ANO1: variants seen among roughly 807,000 people sequenced by gnomAD.
The protein encoded by ANO1 is anoctamin 1.
A neutral mutation model predicts 124.0 loss-of-function variants in ANO1; 59 were observed. The ratio of observed to expected loss-of-function variants is 0.48; its 90% confidence interval spans 0.39 to 0.59. ANO1 has a LOEUF of 0.59. ANO1 is among the 20% of genes least tolerant of loss of function. ANO1 has a pLI of 0.00. For missense variants in ANO1, 1,059 were observed against 1,328.0 expected, an observed-to-expected ratio of 0.80 and a Z score of 3.15; for synonymous variants, 529 against 532.0, an observed-to-expected ratio of 0.99 and a Z score of 0.08.
chr11:70,187,637 TG>T, intron 25 of ANO1, 100 bp from the exon 26 acceptor site: 2 of 1,418,134 alleles, frequency 1.4e-6, no homozygotes, highest in Non-Finnish European at 1.9e-6. Context: ...GGCCAGGAGG[TG>T]GTGGGGTGGC....
chr11:70,088,045 C>T lies in ANO1; in HGVS notation c.402C>T (p.Asn134=). 6.9e-7 allele frequency: 1 copy of T among 1,454,404 alleles called. No individual in the cohort carries two copies. The highest frequency in any genetic ancestry group is 9.1e-7 in the Non-Finnish European group (1 of 1,101,126). The allele number at this position is 1,454,404 out of a possible 1,614,324, so 90.1% of individuals were successfully genotyped here. The change falls in exon 2 of 26, where the codon AAC becomes AAT. Residue 134 remains asparagine (N), a synonymous_variant. Transcript: ENST00000355303. The part of the protein sequence containing the change: ...KRFRREEYEG[N]LLEAGLELER... ...TCCGCAGGGAGGAGTACGAGGGCAA[C>T]CTCCTGGAGGCGGGCCTGGAGCTGG...
At position 70,088,056 on chromosome 11, in the gene ANO1, C is replaced by A. The variant is rs754539827; in HGVS notation, c.413C>A (p.Ala138Glu). Residue 138 changes from alanine to glutamate, a missense_variant, in exon 2 of 26, where the codon GCG becomes GAG. Ala to Glu is a moderately radical substitution (Grantham distance 107, BLOSUM62 -1). Around this residue, in one of 2 missense-constraint regions of ANO1, gnomAD observed 250 missense variants for 233.1 expected, o/e 1.07. Coordinates refer to ENST00000355303, the MANE Select transcript of ANO1 (RefSeq NM_018043.7). Reference sequence around the variant, plus strand: ...GAGTACGAGGGCAACCTCCTGGAGGCGGGCCTGGAGCTGGAGCGGGACGAG... The same window carrying A: ...GAGTACGAGGGCAACCTCCTGGAGGAGGGCCTGGAGCTGGAGCGGGACGAG... ...REEYEGNLLE[A>E]GLELERDEDT... 6 of 1,409,472 alleles carry A rather than the reference C, an allele frequency of 4.3e-6. No individual in the cohort carries two copies. Among genetic ancestry groups the A allele is most frequent in the African/African-American group, 1.6e-5 (1 of 62,534 alleles). The allele number at this position is 1,409,472 out of a possible 1,614,324, so 87.3% of individuals were successfully genotyped here. A position where few individuals can be genotyped will look rare whatever the true frequency, so the allele number is the denominator to read the frequency against.
chr11:69,978,053 G>A, the ANO1 span, among the ~76,000 whole-genome samples: 1 of 152,112 alleles, frequency 6.6e-6, no homozygotes, highest in Non-Finnish European at 1.5e-5. Context: ...TTGGCCCGGT[G>A]TTTTCTTTCC....
At chr11:70,052,717 C>A (rs578216770) in intron 1 of ANO1, among the ~76,000 whole-genome samples, 1 of 151,256 alleles carries the variant, frequency 6.6e-6, no homozygotes. Flanking sequence ...CACACCCAGC[C>A]AATTTTTTTG....
the ANO1 span, among the ~76,000 whole-genome samples, chr11:69,979,926 G>A: frequency 7.9e-5 from 12 of 152,264 alleles, no homozygotes; most frequent in Admixed American, 7.2e-4. Flanking sequence ...CTGGCCAACT[G>A]TGCCGTGCCG....
intron 7 of ANO1, among the ~76,000 whole-genome samples, chr11:70,112,785 C>T (rs1349686590): frequency 4.6e-5 from 7 of 152,122 alleles, no homozygotes; most frequent in African/African-American, 1.7e-4. Context: ...TCTCGAACTC[C>T]TGACCTCAAG....
At chr11:70,130,576 G>A (rs565422625) in intron 10 of ANO1, among the ~76,000 whole-genome samples, 42 of 152,320 alleles carry the variant, frequency 2.8e-4, no homozygotes, top group East Asian at 9.6e-4. Flanking sequence ...TGCTCTCGCC[G>A]CCGATAGCCT....
chr11:70,131,473 G>A (rs1421647535), intron 10 of ANO1, among the ~76,000 whole-genome samples: 12 of 152,116 alleles, frequency 7.9e-5, no homozygotes, highest in South Asian at 4.1e-4. Context: ...GATCACAGGC[G>A]CGTGCCACCA....
At chr11:70,184,430 G>A (rs983595782) in intron 24 of ANO1, among the ~76,000 whole-genome samples, 2 of 152,176 alleles carry the variant, frequency 1.3e-5, no homozygotes, top group Non-Finnish European at 2.9e-5. Context: ...GCCAAGGTCA[G>A]TGGCAGGACC....
intron 1 of ANO1, among the ~76,000 whole-genome samples, chr11:70,003,035 A>G (rs1554999596): frequency 7.7e-5 from 1 of 12,996 alleles, no homozygotes; most frequent in Non-Finnish European, 2.3e-4. Context: ...ACAGATTAGA[A>G]AAAAAGAAAC....
intron 11 of ANO1, among the ~76,000 whole-genome samples, chr11:70,135,637 A>C (rs1365977118): frequency 2.6e-5 from 4 of 152,146 alleles, no homozygotes; most frequent in Admixed American, 2.6e-4. Flanking sequence ...GGTCCACAGA[A>C]CTGGGCCTCC....
intron 12 of ANO1, among the ~76,000 whole-genome samples, chr11:70,150,100 G>A (rs935153573): frequency 2.0e-5 from 3 of 152,148 alleles, no homozygotes; most frequent in Non-Finnish European, 2.9e-5. Flanking sequence ...TGACCTCATC[G>A]CGTCTGGGGG....
chr11:70,121,806 G>GTC (rs1366463564), intron 8 of ANO1, among the ~76,000 whole-genome samples: 1 of 78,554 alleles, frequency 1.3e-5, no homozygotes. Flanking sequence ...ATCTGCCTCT[G>GTC]TCTCTGTCTC....
At chr11:70,123,089 C>T (rs1380835458) in intron 8 of ANO1, among the ~76,000 whole-genome samples, 2 of 152,124 alleles carry the variant, frequency 1.3e-5, no homozygotes, top group Non-Finnish European at 2.9e-5. Flanking sequence ...GAGGAGAGAT[C>T]GCATCCTTCA....
intron 1 of ANO1, among the ~76,000 whole-genome samples, chr11:70,030,941 C>G (rs80074047): frequency 0.012 from 1,810 of 152,176 alleles, 45 homozygotes; most frequent in African/African-American, 0.041. Context: ...GTGGTGGTTT[C>G]GTTTTGTTTT....
intron 21 of ANO1, chr11:70,169,818 A>T (rs1048923913): frequency 9.2e-6 from 2 of 218,574 alleles, no homozygotes; most frequent in African/African-American, 4.7e-5. Flanking sequence ...CATGCTAACA[A>T]TGCCCACACT....
chr11:70,003,581 T>C (rs1856424569), intron 1 of ANO1, among the ~76,000 whole-genome samples: 2 of 111,910 alleles, frequency 1.8e-5, no homozygotes, highest in Admixed American at 1.7e-4. Context: ...AATAAATTGT[T>C]GGTGGATGGA....
At chr11:70,159,236 G>A (rs544138311) in intron 16 of ANO1, among the ~76,000 whole-genome samples, 73 of 152,328 alleles carry the variant, frequency 4.8e-4, no homozygotes, top group African/African-American at 1.7e-3. Context: ...AGAAGGGGAA[G>A]GGTGGGGGAA....
At position 70,019,308 on chromosome 11, in the gene ANO1, CCATGCA is replaced by C. The variant is rs539401778; in HGVS notation, c.58+33151_58+33156del. ...ACTCACAACCCACGCTACACACATG[CCATGCA>C]CATGCACACACACGCACGCACACAC... On this transcript the variant is annotated intron_variant, in intron 1 of 27. Transcript: ENST00000531349. Among the ~76,000 whole-genome samples the C allele has an allele frequency of 3.4e-5, 5 of 145,772 alleles. No individual in the cohort carries two copies. In the Admixed American group the frequency reaches 3.6e-4, roughly 11 times the overall value.
Sources: gnomAD v4.1 joint callset for allele counts (sites outside exome capture counted in the v4.1 genomes callset) on GRCh38, gnomAD v4.1.1 for gene constraint, gnomAD v4.1.1 regional missense constraint, MANE v1.5 for transcripts, NCBI Gene and HGNC (gene_info 2026-07-23, HGNC 2026-07-21) for gene names.